Variants in SLITRK3 observed in about 807,000 individuals in gnomAD.
The protein encoded by SLITRK3 is SLIT and NTRK-like protein 3.
A neutral mutation model predicts 63.6 loss-of-function variants in SLITRK3; 16 were observed. That is an observed-to-expected ratio of 0.25 (90% CI 0.17 to 0.38). The LOEUF is 0.38. Ranked by LOEUF, SLITRK3 falls within the 10% of genes least tolerant of loss-of-function variation. The pLI is 1.00. For synonymous variants in SLITRK3, 547 were observed against 451.6 expected (o/e 1.21, Z -2.68); for missense variants, 1,117 against 1,181.4 (o/e 0.95, Z 0.80).
intron 1 of SLITRK3, among the ~76,000 whole-genome samples, chr3:165,194,056 T>C (rs1197652405): frequency 6.6e-6 from 1 of 152,034 alleles, no homozygotes; most frequent in Non-Finnish European, 1.5e-5. Context: ...GAGCCAAGTG[T>C]GCAGCAAAGG....
upstream of SLITRK3, chr3:165,197,024 C>G (rs1350219351): frequency 6.6e-6 from 1 of 152,024 alleles, no homozygotes; most frequent in Non-Finnish European, 1.5e-5. Flanking sequence ...CCCCCATTAT[C>G]GGTCACAACC....
chr3:165,190,019 TC>T lies in SLITRK3; in HGVS notation c.811del (p.Asp271ThrfsTer19). ...CETPFHFHGK[D>X]LREIRKTELC... is the part of the protein sequence containing the mutation. ...TTCTGTCTTCCTGATTTCTCGTAGG[TC>T]CTTTCCATGGAAGTGGAAAGGGGTC... On this transcript the variant is annotated frameshift_variant, in exon 2 of 2. Coordinates refer to ENST00000475390, the MANE Select transcript of SLITRK3 (RefSeq NM_001318810.2). LOFTEE classifies it high-confidence loss of function. 6.2e-7 allele frequency: 1 copy of T among 1,614,068 alleles called. No individual in the cohort carries two copies. Among genetic ancestry groups the T allele is most frequent in the Non-Finnish European group, 8.5e-7 (1 of 1,179,992 alleles).
rs1471938537 is a variant in SLITRK3, at chr3:165,188,988, G to A, written c.1843C>T (p.Leu615=). The A allele has an allele frequency of 1.2e-6, 2 of 1,614,184 alleles. No homozygotes were observed. Among genetic ancestry groups the A allele is most frequent in the Admixed American group, 3.3e-5 (2 of 60,026 alleles). ...IELEVLCPEM[L]HVAPAGESPA... ...GATTCTCCAGCTGGTGCAACGTGCAGCATCTCTGGGCAAAGAACTTCCAGC... is the reference window on the plus strand; with the variant it reads ...GATTCTCCAGCTGGTGCAACGTGCAACATCTCTGGGCAAAGAACTTCCAGC... Residue 615 remains leucine, a synonymous_variant, in exon 2 of 2, where the codon CTG becomes TTG. Transcript: ENST00000475390.
Position 165,190,080 on chromosome 3 carries a change from G to A in SLITRK3, c.751C>T (p.Pro251Ser). 6.2e-7 allele frequency: 1 copy of A among 1,614,094 alleles called. No individual in the cohort carries two copies. Reference sequence around the variant, plus strand: ...ATGTCTCCCACCAGGGCAGTATAAGGAATGCGTTCCAGCCAACTCTTCAGT... The same window carrying A: ...ATGTCTCCCACCAGGGCAGTATAAGAAATGCGTTCCAGCCAACTCTTCAGT... ...VQLKSWLERI[P>S]YTALVGDITC... The change falls in exon 2 of 2, where the codon CCT becomes TCT. Residue 251 changes from proline (P) to serine (S), a missense_variant. Pro to Ser is a moderately conservative substitution (Grantham distance 74). Coordinates refer to ENST00000475390, the MANE Select transcript of SLITRK3 (RefSeq NM_001318810.2).
intron 1 of SLITRK3, among the ~76,000 whole-genome samples, chr3:165,193,837 C>T (rs1718326915): frequency 6.6e-6 from 1 of 151,916 alleles, no homozygotes; most frequent in Non-Finnish European, 1.5e-5. Flanking sequence ...TTTTTAAACT[C>T]AAATATTTCT....
intron 1 of SLITRK3, among the ~76,000 whole-genome samples, chr3:165,192,517 G>T (rs1718269370): frequency 6.6e-6 from 1 of 151,624 alleles, no homozygotes; most frequent in Non-Finnish European, 1.5e-5. Flanking sequence ...GAGTTTTTTT[G>T]GGTTTCGGGT....
In SLITRK3 at chr3:165,189,280, C is replaced by A. The variant is rs1378014629; in HGVS notation, c.1551G>T (p.Arg517Ser). The change falls in exon 2 of 2, where the codon AGG (arginine) becomes AGT (serine). Residue 517 changes from arginine to serine, a missense_variant. This residue lies in a region of SLITRK3 where 158 missense variants were observed against 197.2 expected (regional missense o/e 0.80). Coordinates refer to ENST00000475390, the MANE Select transcript of SLITRK3 (RefSeq NM_001318810.2). This position sits in a 1 kb window ranked among gnomAD's most constrained non-coding sequence, Gnocchi z 4.0. The stretch of plus-strand genomic sequence containing the variant: ...CAGCAAAGGCGTCTGTTGGCAGAGT[C>A]CTCAGTAAGTTATTATTGAGGAATA... ...KLLFLNNNLL[R>S]TLPTDAFAGT... 3.7e-6 allele frequency: 6 copies of A among 1,614,178 alleles called. No homozygotes were observed. The South Asian group carries it at 6.6e-5, about 18-fold the overall frequency.
chr3:165,192,426 T>G (rs1270969750), intron 1 of SLITRK3, among the ~76,000 whole-genome samples: 2 of 152,206 alleles, frequency 1.3e-5, no homozygotes, highest in Non-Finnish European at 2.9e-5. Context: ...CTTCACCATC[T>G]TAAATATTTT....
chr3:165,195,552 CGA>C (rs1718385875), intron 1 of SLITRK3, 26 bp downstream of exon 1: 1 of 152,222 alleles, frequency 6.6e-6, no homozygotes, highest in Non-Finnish European at 1.5e-5. Context: ...TTCAATTAGG[CGA>C]AGTAGGAAAG....
At chr3:165,193,322 C>T (rs958003058) in intron 1 of SLITRK3, among the ~76,000 whole-genome samples, 2 of 151,078 alleles carry the variant, frequency 1.3e-5, no homozygotes, top group African/African-American at 4.9e-5. Context: ...TTTTTTTAAA[C>T]TCTCAAGGAA....
At chr3:165,196,926 T>TCTCTCC (rs1560057640), upstream of SLITRK3, 1 of 31,112 alleles carries the variant, frequency 3.2e-5, no homozygotes, top group Non-Finnish European at 8.3e-5. Context: ...TCTCTCTCTC[T>TCTCTCC]CCTCTCTCTG....
chr3:165,190,189 T>C lies in SLITRK3; in HGVS notation c.642A>G (p.Arg214=). The C allele has an allele frequency of 1.2e-6, 2 of 1,614,206 alleles. No individual in the cohort carries two copies. The highest frequency in any genetic ancestry group is 1.7e-6 in the Non-Finnish European group (2 of 1,180,036). The part of the protein sequence containing the change: ...RGNRLKVLFY[R]GMLDHIGRSL... ...TTCTGCCAATGTGATCTAGCATTCC[T>C]CGGTAAAAAAGAACCTTTAACCTAT... Residue 214 remains arginine (R), a synonymous_variant, in exon 2 of 2, where the codon CGA becomes CGG. Transcript: ENST00000475390.
chr3:165,192,509 GT>G (rs1200562021), intron 1 of SLITRK3, among the ~76,000 whole-genome samples: 1 of 150,768 alleles, frequency 6.6e-6, no homozygotes, highest in Non-Finnish European at 1.5e-5. Context: ...TTTTGCCAGA[GT>G]TTTTTTGGGT....
At position 165,190,399 on chromosome 3, in the gene SLITRK3, G is replaced by A. The variant is rs1718166422; in HGVS notation, c.432C>T (p.Thr144=). The A allele has an allele frequency of 6.2e-7, 1 of 1,613,776 alleles. No individual in the cohort carries two copies. The highest frequency in any genetic ancestry group is 1.7e-5 in the Admixed American group (1 of 59,988). ...ENKLDVFRND[T]FLGLESLEYL... ...ATTCTAGACTTTCCAAGCCAAGGAA[G>A]GTGTCATTTCTGAAGACATCTAGTT... The change falls in exon 2 of 2, where the codon ACC becomes ACT. Residue 144 remains threonine, a synonymous_variant. Transcript: ENST00000475390.
chr3:165,194,698 T>C (rs1248610551), intron 1 of SLITRK3, among the ~76,000 whole-genome samples: 1 of 151,024 alleles, frequency 6.6e-6, no homozygotes, highest in Non-Finnish European at 1.5e-5. Context: ...TCGGAACCCA[T>C]GATGTGATGG....
chr3:165,191,898 C>A (rs1037860216), intron 1 of SLITRK3, among the ~76,000 whole-genome samples: 5 of 152,172 alleles, frequency 3.3e-5, no homozygotes, highest in African/African-American at 9.6e-5. Flanking sequence ...AGATATCATT[C>A]TTTTCCAATC....
At position 165,188,132 on chromosome 3, in the gene SLITRK3, A is replaced by G. The variant is rs542480281; in HGVS notation, c.2699T>C (p.Val900Ala). 8 of 1,613,474 alleles carry G rather than the reference A, an allele frequency of 5.0e-6. No individual in the cohort carries two copies. The African/African-American group carries it at 8.0e-5, about 16-fold the overall frequency. Reference sequence around the variant, plus strand: ...GGGCACTGTTCCATAGAGACAGTCCACAAATCCCACTGTGCAGGGGGCAGG... The same window carrying G: ...GGGCACTGTTCCATAGAGACAGTCCGCAAATCCCACTGTGCAGGGGGCAGG... ...PQPAPCTVGF[V>A]DCLYGTVPKL... The change falls in exon 2 of 2, where the codon GTG (valine) becomes GCG (alanine). Residue 900 changes from valine to alanine, a missense_variant. Coordinates refer to ENST00000475390, the MANE Select transcript of SLITRK3 (RefSeq NM_001318810.2).
In SLITRK3 at chr3:165,187,781, G is replaced by A; in HGVS notation, c.*116C>T. ...GCGGTTTTAGTTTTGTTCAGGGTAG[G>A]AAAGATCGTGAGGATGGAGTTACTG... On this transcript the variant is annotated 3_prime_UTR_variant, in exon 2 of 2. Transcript: ENST00000475390. 1 of 838,398 alleles carries A rather than the reference G, an allele frequency of 1.2e-6. No individual in the cohort carries two copies. The highest frequency in any genetic ancestry group is 1.8e-5 in the South Asian group (1 of 55,424). The allele number at this position is 838,398 out of a possible 1,614,324, so 51.9% of individuals were successfully genotyped here.
rs1378750032 is a variant in SLITRK3, at chr3:165,189,695, C to T, written c.1136G>A (p.Cys379Tyr). The change falls in exon 2 of 2, where the codon TGT becomes TAT. Residue 379 changes from cysteine (C) to tyrosine (Y), a missense_variant. Cys to Tyr is a radical substitution (Grantham distance 194). Around this residue, in one of 4 missense-constraint regions of SLITRK3, gnomAD observed 452 missense variants for 495.3 expected, o/e 0.91. Coordinates refer to ENST00000475390, the MANE Select transcript of SLITRK3 (RefSeq NM_001318810.2). This position sits in a 1 kb window ranked among gnomAD's most constrained non-coding sequence, Gnocchi z 4.0. ...IPIICPTGCT[C>Y]NLHINDLGLT... is the part of the protein sequence containing the mutation. ...GCCAAGGTCATTGATGTGCAAATTACAGGTACACCCAGTGGGGCATATAAT... is the reference window on the plus strand; with the variant it reads ...GCCAAGGTCATTGATGTGCAAATTATAGGTACACCCAGTGGGGCATATAAT... 2 of 1,614,094 alleles carry T rather than the reference C, an allele frequency of 1.2e-6. No individual in the cohort carries two copies. Among genetic ancestry groups the T allele is most frequent in the Admixed American group, 1.7e-5 (1 of 60,024 alleles).
Sources: gnomAD v4.1 joint callset for allele counts (sites outside exome capture counted in the v4.1 genomes callset) on GRCh38, gnomAD v4.1.1 for gene constraint, gnomAD v4.1.1 regional missense constraint, Gnocchi (gnomAD v3.1) non-coding constraint, MANE v1.5 for transcripts, NCBI Gene and HGNC (gene_info 2026-07-23, HGNC 2026-07-21) for gene names.